TDRD7: variants seen among roughly 807,000 people sequenced by gnomAD.
The protein encoded by TDRD7 is tudor domain containing 7.
Under a neutral mutation model 109.8 loss-of-function variants are expected in TDRD7, and 47 were observed. The observed-to-expected ratio is 0.43, with a 90% CI of 0.34 to 0.55. The LOEUF is 0.55. TDRD7 is among the 20% of genes least tolerant of loss of function. The pLI is 0.03. For missense variants in TDRD7, 1,164 were observed against 1,319.2 expected (o/e 0.88, Z 1.82); for synonymous variants, 424 against 457.3 (o/e 0.93, Z 0.93).
At chr9:97,490,914 T>C (rs1187530896) in intron 16 of TDRD7, among the ~76,000 whole-genome samples, 90 of 134,314 alleles carry the variant, frequency 6.7e-4, no homozygotes, top group Non-Finnish European at 1.2e-3. Context: ...CTTTTCTTTT[T>C]TTTTTTTTTT....
intron 6 of TDRD7, among the ~76,000 whole-genome samples, chr9:97,445,257 T>C (rs1430164837): frequency 6.7e-6 from 1 of 149,100 alleles, no homozygotes; most frequent in East Asian, 2.0e-4. Context: ...AGTAGTCTTG[T>C]TAATAGTGCT....
intron 3 of TDRD7, among the ~76,000 whole-genome samples, chr9:97,431,705 T>G (rs1274792113): frequency 3.3e-5 from 5 of 151,886 alleles, no homozygotes; most frequent in Admixed American, 3.3e-4. Flanking sequence ...GAATTTGGAT[T>G]TATGGGGAAG....
chr9:97,483,431 G>C lies in TDRD7; in HGVS notation c.2915+80G>C. ...ATGCCAGAGTCTTAATCTTGGCGGG[G>C]GGACTTCGAACTGTACTAATGGGAA... is the stretch of plus-strand genomic sequence containing the variant. On this transcript the variant is annotated intron_variant, in intron 15 of 16. Coordinates refer to ENST00000355295, the MANE Select transcript of TDRD7 (RefSeq NM_014290.3). The C allele has an allele frequency of 7.1e-6, 11 of 1,539,772 alleles. No homozygotes were observed. In the South Asian group the frequency reaches 1.2e-4, roughly 17 times the overall value.
chr9:97,453,223 A>G (rs1414185707), intron 6 of TDRD7, among the ~76,000 whole-genome samples: 5 of 152,208 alleles, frequency 3.3e-5, no homozygotes, highest in Non-Finnish European at 1.5e-5. Flanking sequence ...AAAAGTTTTA[A>G]GGTGGGCTTT....
chr9:97,422,978 T>TG (rs1473890124), intron 1 of TDRD7, among the ~76,000 whole-genome samples: 1 of 152,238 alleles, frequency 6.6e-6, no homozygotes, highest in Non-Finnish European at 1.5e-5. Flanking sequence ...ATGAGGGATA[T>TG]GGTCTGTACT....
intron 4 of TDRD7, among the ~76,000 whole-genome samples, chr9:97,434,956 GAAATTATA>G: frequency 6.6e-6 from 1 of 152,200 alleles, no homozygotes; most frequent in South Asian, 2.1e-4. Context: ...TAACATTCTT[GAAATTATA>G]AAATTATAAA....
At chr9:97,436,560 T>A (rs1828202182) in intron 4 of TDRD7, among the ~76,000 whole-genome samples, 2 of 152,166 alleles carry the variant, frequency 1.3e-5, no homozygotes, top group Admixed American at 6.5e-5. Flanking sequence ...ACAAAAACTT[T>A]AAAATGTTGC....
chr9:97,489,017 T>A (rs902282455), intron 16 of TDRD7, among the ~76,000 whole-genome samples: 1 of 152,236 alleles, frequency 6.6e-6, no homozygotes, highest in African/African-American at 2.4e-5. Flanking sequence ...AGGGAAAACA[T>A]TGTATTATTT....
Position 97,489,786 on chromosome 9 carries a change from C to G in TDRD7, c.3076+2454C>G, listed in dbSNP as rs139134286. Among the ~76,000 whole-genome samples, 4 of 152,220 alleles carry G rather than the reference C, an allele frequency of 2.6e-5. No individual in the cohort carries two copies. In the East Asian group the frequency reaches 5.8e-4, roughly 22 times the overall value. ...TAATTGAGCATTTTAAGTAATGCCA[C>G]TTTCTCTCCTTTCTTAGGATATCAA... On this transcript the variant is annotated intron_variant, in intron 16 of 16. Coordinates refer to ENST00000355295, the MANE Select transcript of TDRD7 (RefSeq NM_014290.3).
intron 6 of TDRD7, among the ~76,000 whole-genome samples, chr9:97,445,246 C>A (rs867472735): frequency 2.0e-5 from 3 of 151,742 alleles, no homozygotes; most frequent in Non-Finnish European, 4.4e-5. Flanking sequence ...TGTTCTAGAG[C>A]AGTAGTCTTG....
intron 11 of TDRD7, 84 bp downstream of exon 11, chr9:97,473,710 A>G: frequency 3.8e-6 from 6 of 1,586,206 alleles, no homozygotes; most frequent in Non-Finnish European, 5.2e-6. Context: ...AGTATGAACA[A>G]TTTTTTTTGT....
At chr9:97,423,111 T>C (rs977803343) in intron 1 of TDRD7, among the ~76,000 whole-genome samples, 2 of 152,234 alleles carry the variant, frequency 1.3e-5, no homozygotes, top group Non-Finnish European at 2.9e-5. Flanking sequence ...TTGATTCTTC[T>C]ATAAATGTTT....
At chr9:97,417,413 G>T (rs966697612) in intron 1 of TDRD7, among the ~76,000 whole-genome samples, 4 of 152,162 alleles carry the variant, frequency 2.6e-5, no homozygotes, top group African/African-American at 9.7e-5. Context: ...ATTCTAGGAG[G>T]TGAAGTGGAA....
At chr9:97,432,603 T>G (rs1445524654) in intron 4 of TDRD7, among the ~76,000 whole-genome samples, 1 of 152,202 alleles carries the variant, frequency 6.6e-6, no homozygotes, top group East Asian at 1.9e-4. Context: ...GCTGCAAATA[T>G]CATGCCCATG....
chr9:97,458,036 G>C (rs1300128835), intron 6 of TDRD7, among the ~76,000 whole-genome samples: 1 of 152,150 alleles, frequency 6.6e-6, no homozygotes, highest in East Asian at 1.9e-4. Flanking sequence ...TAGAGGGCAG[G>C]TGGATAGGTG....
intron 6 of TDRD7, among the ~76,000 whole-genome samples, chr9:97,457,432 G>A (rs1282242141): frequency 1.3e-5 from 2 of 151,878 alleles, no homozygotes; most frequent in Admixed American, 6.6e-5. Flanking sequence ...GGGCTGGCGT[G>A]CAATGGCATG....
At chr9:97,438,680 G>A (rs575605484) in intron 4 of TDRD7, among the ~76,000 whole-genome samples, 16 of 152,260 alleles carry the variant, frequency 1.1e-4, no homozygotes, top group African/African-American at 3.9e-4. Flanking sequence ...GTGAGGGTAT[G>A]AGGTAGGGAT....
Position 97,470,296 on chromosome 9 carries a change from G to A in TDRD7, c.1630-262G>A, listed in dbSNP as rs75582348. ...AGACTGGCGACAGCAAGGTGGCAGGGCTGAGCAGTCTTGTTCTTCCCATTG... is the reference window on the plus strand; with the variant it reads ...AGACTGGCGACAGCAAGGTGGCAGGACTGAGCAGTCTTGTTCTTCCCATTG... On this transcript the variant is annotated intron_variant, in intron 8 of 16. Transcript: ENST00000355295. Among the ~76,000 whole-genome samples, 4 of 152,328 alleles carry A rather than the reference G, an allele frequency of 2.6e-5. No homozygotes were observed. In the East Asian group the frequency reaches 7.7e-4, roughly 29 times the overall value.
intron 4 of TDRD7, among the ~76,000 whole-genome samples, chr9:97,434,260 G>T (rs1183071257): frequency 6.6e-6 from 1 of 152,034 alleles, no homozygotes; most frequent in Admixed American, 6.6e-5. Flanking sequence ...AAATAAGCTG[G>T]GCATAGAAAG....
Sources: gnomAD v4.1 joint callset for allele counts (sites outside exome capture counted in the v4.1 genomes callset) on GRCh38, gnomAD v4.1.1 for gene constraint, MANE v1.5 for transcripts, NCBI Gene and HGNC (gene_info 2026-07-23, HGNC 2026-07-21) for gene names.